Variants in NEGR1 observed in about 807,000 individuals in gnomAD.
NEGR1 encodes IgLON family member 4.
In NEGR1, 10 loss-of-function variants were observed where a neutral mutation model predicts 40.9. That is an observed-to-expected ratio of 0.24 (90% CI 0.15 to 0.42). The LOEUF (loss-of-function observed/expected upper bound fraction) is 0.42, where lower values mean the gene tolerates loss of function less well. Among genes scored for constraint, NEGR1 ranks in the 10% least tolerant of loss-of-function variants. The probability of loss-of-function intolerance (pLI) is 1.00; values close to 1 mark genes in which losing one functional copy is unlikely to be tolerated. For missense variants in NEGR1, 352 were observed against 438.9 expected (o/e 0.80, Z 1.77); for synonymous variants, 185 against 166.8 (o/e 1.11, Z -0.84).
intron 2 of NEGR1, among the ~76,000 whole-genome samples, chr1:71,918,343 C>T (rs1370773245): frequency 6.8e-6 from 1 of 148,042 alleles, no homozygotes; most frequent in Non-Finnish European, 1.5e-5. Context: ...ATCCCAACCA[C>T]ATGTCAAGTC....
rs1189959472 is a variant in NEGR1, at chr1:71,407,325, A to G, written c.*121T>C. 2 of 797,848 alleles carry G rather than the reference A, an allele frequency of 2.5e-6. No homozygotes were observed. The highest frequency in any genetic ancestry group is 2.5e-5 in the Admixed American group (1 of 39,934). The allele number at this position is 797,848 out of a possible 1,614,324, so 49.4% of individuals were successfully genotyped here. A position where few individuals can be genotyped will look rare whatever the true frequency, so the allele number is the denominator to read the frequency against. Reference sequence around the variant, plus strand: ...ATAATGAGCAATTCTACAGAAGGCGATCATCCCCATGTAAGCACTGCTGAT... The same window carrying G: ...ATAATGAGCAATTCTACAGAAGGCGGTCATCCCCATGTAAGCACTGCTGAT... On this transcript the variant is annotated 3_prime_UTR_variant, in exon 7 of 7. Coordinates refer to ENST00000357731, the MANE Select transcript of NEGR1 (RefSeq NM_173808.3).
At chr1:72,226,109 CA>C (rs796860485) in intron 1 of NEGR1, among the ~76,000 whole-genome samples, 161 of 151,748 alleles carry the variant, frequency 1.1e-3, no homozygotes, top group African/African-American at 3.6e-3. Flanking sequence ...ACATTATCTT[CA>C]AAAAATCTAC....
intron 1 of NEGR1, among the ~76,000 whole-genome samples, chr1:72,164,262 T>C (rs1651692678): frequency 6.6e-6 from 1 of 152,050 alleles, no homozygotes; most frequent in African/African-American, 2.4e-5. Flanking sequence ...TAGCTTATGT[T>C]TAGAATGTAA....
At position 71,705,581 on chromosome 1, in the gene NEGR1, G is replaced by A. The variant is rs113579927; in HGVS notation, c.536-7442C>T. 5.2e-3 allele frequency among the ~76,000 whole-genome samples: 794 copies of A among 152,236 alleles called. 7 individuals are homozygous for A. The highest frequency in any genetic ancestry group is 0.018 in the African/African-American group (756 of 41,564). The stretch of plus-strand genomic sequence containing the variant: ...AATTAAGAAACGGGCCAGGCCTGGC[G>A]TGGTGGTGGGCGCCTGCAGTCCCAG... On this transcript the variant is annotated intron_variant, in intron 3 of 6. Transcript: ENST00000357731.
At chr1:71,940,092 T>G (rs1252900965) in intron 1 of NEGR1, among the ~76,000 whole-genome samples, 1 of 152,024 alleles carries the variant, frequency 6.6e-6, no homozygotes, top group Non-Finnish European at 1.5e-5. Flanking sequence ...GAAGTGAGGG[T>G]GGTCAGATCA....
At chr1:71,454,720 T>G (rs1646658657) in intron 6 of NEGR1, among the ~76,000 whole-genome samples, 1 of 152,208 alleles carries the variant, frequency 6.6e-6, no homozygotes, top group Non-Finnish European at 1.5e-5. Context: ...TATGTAAGCT[T>G]GAACAGATCA....
intron 1 of NEGR1, among the ~76,000 whole-genome samples, chr1:72,039,147 C>T (rs1056850612): frequency 2.6e-5 from 4 of 151,830 alleles, no homozygotes; most frequent in Non-Finnish European, 5.9e-5. Context: ...TTCAGAGAAA[C>T]AGCAGATTAT....
intron 1 of NEGR1, among the ~76,000 whole-genome samples, chr1:72,070,831 T>G (rs1049709299): frequency 6.6e-6 from 1 of 152,098 alleles, no homozygotes; most frequent in African/African-American, 2.4e-5. Flanking sequence ...AGACAGCATA[T>G]TAGGAAATTA....
At chr1:72,084,345 TCC>T (rs1648126603) in intron 1 of NEGR1, among the ~76,000 whole-genome samples, 1 of 152,126 alleles carries the variant, frequency 6.6e-6, no homozygotes, top group Non-Finnish European at 1.5e-5. Flanking sequence ...TCAGCATGGC[TCC>T]CTTCTCAGGG....
At position 72,051,541 on chromosome 1, in the gene NEGR1, T is replaced by C. The variant is rs557275409; in HGVS notation, c.177-116230A>G. On this transcript the variant is annotated intron_variant, in intron 1 of 6. Transcript: ENST00000357731. ...TTATTTTGTTGCATCGAAAAAAATT[T>C]CTTATTTCCTGGGACCAGTTTGAAA... Among the ~76,000 whole-genome samples, 3 of 151,626 alleles carry C rather than the reference T, an allele frequency of 2.0e-5. No individual in the cohort carries two copies. In the East Asian group the frequency reaches 5.8e-4, roughly 29 times the overall value.
At position 71,500,733 on chromosome 1, in the gene NEGR1, C is replaced by A. The variant is rs114291043; in HGVS notation, c.940+92084G>T. Among the ~76,000 whole-genome samples the A allele has an allele frequency of 8.0e-3, 1,213 of 152,070 alleles. 17 individuals carry two copies. The highest frequency in any genetic ancestry group is 0.028 in the African/African-American group (1,157 of 41,522). ...TTGGCAATAACAAAATCTGTGAATGCTCAAGTCCCTTATATAAAATGTTGT... is the reference window on the plus strand; with the variant it reads ...TTGGCAATAACAAAATCTGTGAATGATCAAGTCCCTTATATAAAATGTTGT... On this transcript the variant is annotated intron_variant, in intron 6 of 6. Coordinates refer to ENST00000357731, the MANE Select transcript of NEGR1 (RefSeq NM_173808.3).
chr1:71,399,624 T>C lies in NEGR1; in HGVS notation c.*7822A>G, dbSNP rs1646234128. On this transcript the variant is annotated 3_prime_UTR_variant, in exon 7 of 7. Transcript: ENST00000357731. ...TTATTTTCCAGATCACTGATAGCAA[T>C]GCGATTTTGTATTTGTGTGTGAGTA... 1 of 152,216 alleles carries C rather than the reference T, an allele frequency of 6.6e-6. No homozygotes were observed. The highest frequency in any genetic ancestry group is 1.5e-5 in the Non-Finnish European group (1 of 68,032). The allele number at this position is 152,216 out of a possible 1,614,324, so 9.4% of individuals were successfully genotyped here.
chr1:71,582,778 A>C (rs1201893305), intron 6 of NEGR1, among the ~76,000 whole-genome samples: 1 of 152,222 alleles, frequency 6.6e-6, no homozygotes, highest in Admixed American at 6.5e-5. Context: ...TTGCCTCCCA[A>C]ATTGGCCATT....
intron 1 of NEGR1, among the ~76,000 whole-genome samples, chr1:72,244,836 C>A (rs1272156459): frequency 1.3e-5 from 2 of 151,972 alleles, no homozygotes; most frequent in African/African-American, 4.8e-5. Context: ...AGCACTACAA[C>A]TCAGGCCTAA....
chr1:71,833,675 T>C (rs564946143), intron 2 of NEGR1, among the ~76,000 whole-genome samples: 1 of 152,206 alleles, frequency 6.6e-6, no homozygotes, highest in East Asian at 1.9e-4. Flanking sequence ...GGCTTCTGAC[T>C]GCACTAGACC....
At chr1:72,118,791 T>C (rs1649678744) in intron 1 of NEGR1, among the ~76,000 whole-genome samples, 1 of 151,906 alleles carries the variant, frequency 6.6e-6, no homozygotes, top group Non-Finnish European at 1.5e-5. Context: ...AAATAACTTC[T>C]ATAAATAAAC....
chr1:71,979,223 G>A (rs1346685293), intron 1 of NEGR1, among the ~76,000 whole-genome samples: 2 of 152,088 alleles, frequency 1.3e-5, no homozygotes, highest in African/African-American at 4.8e-5. Flanking sequence ...AAGGGTGGGA[G>A]GAAGGAGAGG....
chr1:72,122,255 T>C (rs1649831452), intron 1 of NEGR1, among the ~76,000 whole-genome samples: 1 of 152,030 alleles, frequency 6.6e-6, no homozygotes, highest in Admixed American at 6.6e-5. Flanking sequence ...TTCTCATTTA[T>C]AACACAATCC....
At chr1:71,997,520 C>T (rs923840208) in intron 1 of NEGR1, among the ~76,000 whole-genome samples, 5 of 151,982 alleles carry the variant, frequency 3.3e-5, no homozygotes, top group Non-Finnish European at 7.4e-5. Flanking sequence ...TCAAATAATG[C>T]TTACAACTTT....
Sources: gnomAD v4.1 joint callset for allele counts (sites outside exome capture counted in the v4.1 genomes callset) on GRCh38, gnomAD v4.1.1 for gene constraint, MANE v1.5 for transcripts, NCBI Gene and HGNC (gene_info 2026-07-23, HGNC 2026-07-21) for gene names.